The following DIS3L2 variants were observed in gnomAD, a reference collection of about 807,000 sequenced individuals.
The protein encoded by DIS3L2 is DIS3-like exonuclease 2.
A neutral mutation model predicts 97.5 loss-of-function variants in DIS3L2; 34 were observed. That is an observed-to-expected ratio of 0.35 (90% CI 0.27 to 0.46). The LOEUF (loss-of-function observed/expected upper bound fraction) is 0.46. Among genes scored for constraint, DIS3L2 ranks in the 20% least tolerant of loss-of-function variants. The probability of loss-of-function intolerance (pLI) is 1.00; values close to 1 mark genes in which losing one functional copy is unlikely to be tolerated. For synonymous variants in DIS3L2, 435 were observed against 445.2 expected, an observed-to-expected ratio of 0.98 and a Z score of 0.29; for missense variants, 1,038 against 1,146.0, an observed-to-expected ratio of 0.91 and a Z score of 1.36.
intron 5 of DIS3L2, among the ~76,000 whole-genome samples, chr2:232,065,270 A>G (rs1365902209): frequency 6.6e-6 from 1 of 151,834 alleles, no homozygotes. Context: ...TTTTCCCCCC[A>G]GCTCCTGGCA....
chr2:232,048,702 G>A (rs2106260952), intron 5 of DIS3L2, among the ~76,000 whole-genome samples: 1 of 151,916 alleles, frequency 6.6e-6, no homozygotes, highest in Admixed American at 6.6e-5. Flanking sequence ...CTGCACTCCA[G>A]CCTGGGCGAT....
chr2:232,340,329 CTG>C (rs1235052348), downstream of DIS3L2, among the ~76,000 whole-genome samples: 1 of 152,198 alleles, frequency 6.6e-6, no homozygotes, highest in Admixed American at 6.5e-5. Flanking sequence ...ACCCCCAGCT[CTG>C]AGACTGAGAG....
rs553691050 is a variant in DIS3L2, at chr2:232,238,660, C to G, written c.1317+15C>G. On this transcript the variant is annotated intron_variant, in intron 11 of 20. Transcript: ENST00000325385. The stretch of plus-strand genomic sequence containing the variant: ...TGGTTCAAAAGGTAAAAATCCATCT[C>G]TAGTTTCTTTTTTCTTGCTTTGTTT... 2.0e-4 allele frequency: 327 copies of G among 1,601,492 alleles called. 5 individuals carry two copies. The South Asian group carries it at 3.4e-3, about 16-fold the overall frequency.
At chr2:232,040,386 G>A (rs1407191336) in intron 5 of DIS3L2, among the ~76,000 whole-genome samples, 1 of 152,146 alleles carries the variant, frequency 6.6e-6, no homozygotes, top group African/African-American at 2.4e-5. Context: ...AAGGGAAACT[G>A]AAAGGGGGAC....
At chr2:232,086,359 G>GTGTATGTGTATA (rs1239841497) in intron 5 of DIS3L2, among the ~76,000 whole-genome samples, 2 of 138,192 alleles carry the variant, frequency 1.4e-5, no homozygotes, top group Admixed American at 1.5e-4. Flanking sequence ...GTATATATAT[G>GTGTATGTGTATA]TGTATATGTA....
At chr2:232,326,849 C>T (rs562860379) in intron 14 of DIS3L2, among the ~76,000 whole-genome samples, 2 of 152,132 alleles carry the variant, frequency 1.3e-5, no homozygotes, top group Non-Finnish European at 2.9e-5. Context: ...CCAGGCTTCA[C>T]GTTCAAGGTC....
intron 8 of DIS3L2, among the ~76,000 whole-genome samples, chr2:232,154,731 C>T (rs979282467): frequency 6.7e-6 from 1 of 149,446 alleles, no homozygotes; most frequent in Non-Finnish European, 1.5e-5. Flanking sequence ...TGGGCTGCAC[C>T]CAGTTGGAGC....
chr2:232,215,217 T>C (rs748550465), intron 10 of DIS3L2, among the ~76,000 whole-genome samples: 1 of 152,286 alleles, frequency 6.6e-6, no homozygotes, highest in Non-Finnish European at 1.5e-5. Flanking sequence ...CTGGCTATCA[T>C]AGTCACATCC....
At chr2:232,042,124 T>G (rs1045043704) in intron 5 of DIS3L2, among the ~76,000 whole-genome samples, 7 of 152,142 alleles carry the variant, frequency 4.6e-5, no homozygotes, top group Non-Finnish European at 7.4e-5. Context: ...ATAAAGGAAG[T>G]GTTGATAGGA....
chr2:232,086,828 C>T (rs1049497178), intron 5 of DIS3L2, among the ~76,000 whole-genome samples: 3 of 150,436 alleles, frequency 2.0e-5, no homozygotes, highest in African/African-American at 4.9e-5. Context: ...TACAGGCACC[C>T]GCCACAACTC....
At chr2:232,012,454 T>C (rs1418862492) in intron 1 of DIS3L2, among the ~76,000 whole-genome samples, 1 of 149,630 alleles carries the variant, frequency 6.7e-6, no homozygotes, top group Non-Finnish European at 1.5e-5. Context: ...AACTTCTGCC[T>C]GAATCAGGAT....
intron 6 of DIS3L2, among the ~76,000 whole-genome samples, chr2:232,090,935 T>A (rs1696818121): frequency 6.6e-6 from 1 of 152,238 alleles, no homozygotes; most frequent in African/African-American, 2.4e-5. Flanking sequence ...GTGCCTGTCA[T>A]TGCGTTAAGA....
chr2:232,119,108 A>T (rs1697816193), intron 6 of DIS3L2, among the ~76,000 whole-genome samples: 1 of 152,060 alleles, frequency 6.6e-6, no homozygotes, highest in South Asian at 2.1e-4. Flanking sequence ...GCTGCTGGAG[A>T]TGTTCAAGAG....
At position 232,318,229 on chromosome 2, in the gene DIS3L2, G is replaced by C. The variant is rs551897909; in HGVS notation, c.1740-11584G>C. ...AATCTTCAGGAAGCCCTTATATTCAGAATTGTGTTCTGTGCCACATGGGCC... is the reference window on the plus strand; with the variant it reads ...AATCTTCAGGAAGCCCTTATATTCACAATTGTGTTCTGTGCCACATGGGCC... On this transcript the variant is annotated intron_variant, in intron 14 of 20. Transcript: ENST00000325385. Among the ~76,000 whole-genome samples, 96 of 152,356 alleles carry C rather than the reference G, an allele frequency of 6.3e-4. 2 individuals carry two copies. The highest frequency in any genetic ancestry group is 2.1e-3 in the African/African-American group (87 of 41,580).
intron 10 of DIS3L2, among the ~76,000 whole-genome samples, chr2:232,236,895 G>C (rs1304366638): frequency 1.3e-5 from 2 of 152,112 alleles, no homozygotes; most frequent in Non-Finnish European, 1.5e-5. Context: ...GGGACTACAG[G>C]TGTGTGCCAC....
intron 14 of DIS3L2, among the ~76,000 whole-genome samples, chr2:232,314,233 G>A (rs1419230331): frequency 6.6e-6 from 1 of 152,240 alleles, no homozygotes; most frequent in Non-Finnish European, 1.5e-5. Context: ...CTGTTGTCTG[G>A]TGCTGGGAGG....
At chr2:232,288,510 G>C (rs1694507202) in intron 13 of DIS3L2, among the ~76,000 whole-genome samples, 1 of 152,172 alleles carries the variant, frequency 6.6e-6, no homozygotes, top group African/African-American at 2.4e-5. Flanking sequence ...AGGACCATCG[G>C]AACCCCACCA....
intron 5 of DIS3L2, among the ~76,000 whole-genome samples, chr2:232,044,923 C>A (rs1034639419): frequency 6.6e-6 from 1 of 152,082 alleles, no homozygotes; most frequent in African/African-American, 2.4e-5. Flanking sequence ...AGTCACTGCT[C>A]CCAGACAAGT....
chr2:232,335,583 T>G, intron 19 of DIS3L2, 190 bp from the exon 20 acceptor site: 43 of 591,758 alleles, frequency 7.3e-5, no homozygotes, highest in East Asian at 1.9e-4. Context: ...CCCCTGGCCC[T>G]TGGTCACTCT....
Sources: allele counts gnomAD v4.1 joint callset (sites outside exome capture counted in the v4.1 genomes callset), GRCh38; gene constraint gnomAD v4.1.1; transcripts MANE v1.5; gene names NCBI Gene and HGNC (gene_info 2026-07-23, HGNC 2026-07-21).